The following PITPNM1 variants were observed in gnomAD, a reference collection of about 807,000 sequenced individuals.
PITPNM1 encodes phosphatidylinositol transfer protein membrane associated 1, also known as membrane-associated phosphatidylinositol transfer protein 1.
PITPNM1 carries 74 observed loss-of-function variants against 133.3 expected under a neutral mutation model. That is an observed-to-expected ratio of 0.56 (90% CI 0.46 to 0.67). The LOEUF is 0.67. Ranked by LOEUF, PITPNM1 falls within the 30% of genes least tolerant of loss-of-function variation. The pLI, the probability that PITPNM1 is intolerant of heterozygous loss-of-function variation, is 0.00. For missense variants in PITPNM1, 1,398 were observed against 1,739.5 expected (o/e 0.80, Z 3.49); for synonymous variants, 738 against 741.4 (o/e 1.00, Z 0.08).
chr11:67,497,786 AGAG>A, intron 12 of PITPNM1, 107 bp from the exon 13 acceptor site: 1 of 1,521,454 alleles, frequency 6.6e-7, no homozygotes, highest in Admixed American at 1.9e-5. Flanking sequence ...GCAGAATTCC[AGAG>A]AAGACATGAA....
At chr11:67,495,759 C>T (rs763268376) in intron 15 of PITPNM1, among the ~76,000 whole-genome samples, 157 bp from the exon 16 acceptor site, 2 of 152,204 alleles carry the variant, frequency 1.3e-5, no homozygotes, top group East Asian at 1.9e-4. Context: ...GCCCAGTGGC[C>T]AGCTGCACTC....
chr11:67,493,402 C>T lies in PITPNM1; in HGVS notation c.3342+8G>A, dbSNP rs1043689428. On this transcript the variant is annotated splice_region_variant and intron_variant, in intron 22 of 23. Transcript: ENST00000356404. ...GTCAGGACCCGGAGCCTCCCCCAGC[C>T]GCCGCACCTCCTGCACCAGGCTCTG... The T allele has an allele frequency of 9.6e-6, 15 of 1,568,614 alleles. No individual in the cohort carries two copies. The highest frequency in any genetic ancestry group is 8.9e-5 in the Admixed American group (5 of 56,260).
In PITPNM1 at chr11:67,497,343, G is replaced by A. The variant is rs936479833; in HGVS notation, c.2034C>T (p.Asp678=). 4.2e-5 allele frequency: 67 copies of A among 1,608,432 alleles called. No homozygotes were observed. The highest frequency in any genetic ancestry group is 1.7e-4 in the Middle Eastern group (1 of 6,044). ...CAAGGCGGGCAGTGCTGCTGGGGCCGTCAGGTGCCTCGGAACTGGCAGCGG... is the reference window on the plus strand; with the variant it reads ...CAAGGCGGGCAGTGCTGCTGGGGCCATCAGGTGCCTCGGAACTGGCAGCGG... The part of the protein sequence containing the change: ...CPPAASSEAP[D]GPSSTARLDF... Residue 678 remains aspartate (D), a synonymous_variant, in exon 14 of 24, where the codon GAC becomes GAT. Coordinates refer to ENST00000356404, the MANE Select transcript of PITPNM1 (RefSeq NM_004910.3).
In PITPNM1 at chr11:67,499,842, G is replaced by C; in HGVS notation, c.1064-12C>G. On this transcript the variant is annotated splice_polypyrimidine_tract_variant and intron_variant, in intron 7 of 23. Transcript: ENST00000356404. ...GTCCGAGAAGCCTTCTGAGGGGACA[G>C]GGGGCTGTGTCATGGGGTGGGAGGA... The C allele has an allele frequency of 6.3e-7, 1 of 1,584,620 alleles. No homozygotes were observed. The highest frequency in any genetic ancestry group is 8.6e-7 in the Non-Finnish European group (1 of 1,157,950).
chr11:67,499,685 CG>C, intron 8 of PITPNM1, 37 bp downstream of exon 8: 1 of 1,154,694 alleles, frequency 8.7e-7, no homozygotes, highest in Non-Finnish European at 1.2e-6. Flanking sequence ...CTGCTGTACA[CG>C]GGTGCTGGGG....
Position 67,493,312 on chromosome 11 carries a change from T to A in PITPNM1, c.3342+98A>T, listed in dbSNP as rs1444940112. ...TGCAGTCAGGCAGGGCCCGGGCCGA[T>A]CCAGTTGGGAACAGATGGGCCTCCG... On this transcript the variant is annotated intron_variant, in intron 22 of 23. Transcript: ENST00000356404. 17 of 1,322,438 alleles carry A rather than the reference T, an allele frequency of 1.3e-5. No homozygotes were observed. In the East Asian group the frequency reaches 4.1e-4, roughly 32 times the overall value. 81.9% of individuals were successfully genotyped at this position (1,322,438 alleles called of 1,614,324 possible).
At position 67,502,135 on chromosome 11, in the gene PITPNM1, CG is replaced by C. The variant is rs1322879970; in HGVS notation, c.416-50del. ...AGCAGCGCCAGCCCCTTTGAGCCCC[CG>C]CTCCTGGCACCCTCTTGGGACTGGA... On this transcript the variant is annotated intron_variant, in intron 4 of 23. Transcript: ENST00000356404. The surrounding 1 kb of genome is among the most constrained non-coding windows in gnomAD (Gnocchi z 5.9). The C allele has an allele frequency of 6.3e-7, 1 of 1,576,240 alleles. No individual in the cohort carries two copies. Among genetic ancestry groups the C allele is most frequent in the East Asian group, 2.3e-5 (1 of 44,418 alleles).
At position 67,501,920 on chromosome 11, in the gene PITPNM1, C is replaced by T; in HGVS notation, c.582G>A (p.Lys194=). Residue 194 remains lysine (K), a synonymous_variant, in exon 5 of 24, where the codon AAG becomes AAA. Coordinates refer to ENST00000356404, the MANE Select transcript of PITPNM1 (RefSeq NM_004910.3). ...GPLMCAYKLC[K]VEFRYWGMQA... ...GCATGCCCCAGTAGCGGAACTCAAC[C>T]TTGCACAGCTTATAGGCACACATAA... is the stretch of plus-strand genomic sequence containing the variant. The T allele has an allele frequency of 1.2e-6, 2 of 1,613,624 alleles. No individual in the cohort carries two copies. Among genetic ancestry groups the T allele is most frequent in the Non-Finnish European group, 1.7e-6 (2 of 1,180,028 alleles).
Position 67,493,837 on chromosome 11 carries a change from C to A in PITPNM1, c.3009G>T (p.Arg1003Ser). 3 of 1,540,334 alleles carry A rather than the reference C, an allele frequency of 1.9e-6. No individual in the cohort carries two copies. The highest frequency in any genetic ancestry group is 2.6e-6 in the Non-Finnish European group (3 of 1,141,406). ...IGVYPVRMVV[R>S]GDHTYAECCL... The stretch of plus-strand genomic sequence containing the variant: ...AGCATTCGGCATAGGTGTGGTCGCC[C>A]CTGCGGCCCACGGGGCGGGGCGTGA... Residue 1003 changes from arginine to serine, a missense_variant and splice_region_variant, in exon 21 of 24, where the codon AGG (arginine) becomes AGT (serine). By Grantham distance (110) the Arg-to-Ser change is moderately radical. Around this residue, in one of 5 missense-constraint regions of PITPNM1, gnomAD observed 233 missense variants for 378.0 expected, o/e 0.62. Coordinates refer to ENST00000356404, the MANE Select transcript of PITPNM1 (RefSeq NM_004910.3).
chr11:67,493,276 T>C (rs17847832), intron 22 of PITPNM1, 134 bp downstream of exon 22: 21,586 of 1,110,614 alleles, frequency 0.019, 456 homozygotes, highest in East Asian at 0.085. Flanking sequence ...AGCAGGACCG[T>C]AGCGGGCCGC....
chr11:67,493,359 AG>A (rs1398160108), intron 22 of PITPNM1, 50 bp downstream of exon 22: 6 of 1,465,338 alleles, frequency 4.1e-6, no homozygotes, highest in South Asian at 3.9e-5. Flanking sequence ...GTGGAGGGTA[AG>A]GGGGAGCGGG....
At position 67,502,154 on chromosome 11, in the gene PITPNM1, G is replaced by T; in HGVS notation, c.416-68C>A. 6.4e-7 allele frequency: 1 copy of T among 1,561,932 alleles called. No homozygotes were observed. ...AGCCCCCGCTCCTGGCACCCTCTTG[G>T]GACTGGATGACAGTTCCCGTCCTTT... On this transcript the variant is annotated intron_variant, in intron 4 of 23. Transcript: ENST00000356404. The surrounding 1 kb of genome is among the most constrained non-coding windows in gnomAD (Gnocchi z 5.9).
chr11:67,501,813 G>A (rs781012165), intron 5 of PITPNM1, 49 bp downstream of exon 5: 1 of 1,504,830 alleles, frequency 6.6e-7, no homozygotes, highest in Non-Finnish European at 9.2e-7. Flanking sequence ...CTAAACATGG[G>A]GTCTGGGGCA....
rs1565192185 is a variant in PITPNM1 at position 67,498,104 on chromosome 11, C to T, written c.1674+29G>A. ...CTACAGTGGGGGCTGCAGTGGAGGG[C>T]AGCAGATGGACTGTCCCTAACCGCT... On this transcript the variant is annotated intron_variant, in intron 11 of 23. Transcript: ENST00000356404. The surrounding 1 kb of genome is among the most constrained non-coding windows in gnomAD (Gnocchi z 5.7). 3 of 1,610,596 alleles carry T rather than the reference C, an allele frequency of 1.9e-6. No individual in the cohort carries two copies. The highest frequency in any genetic ancestry group is 2.2e-5 in the East Asian group (1 of 44,872).
chr11:67,496,207 G>A lies in PITPNM1; in HGVS notation c.2288C>T (p.Pro763Leu), dbSNP rs1177840727. ...PLTVPRYQKF[P>L]LGDGSSLLLA... ...CAGCAGGGATGAGCCATCTCCCAGGGGGAACTTCTGGTAGCGGGGCACGGT... is the reference window on the plus strand; with the variant it reads ...CAGCAGGGATGAGCCATCTCCCAGGAGGAACTTCTGGTAGCGGGGCACGGT... The change falls in exon 15 of 24, where the codon CCC (proline) becomes CTC (leucine). Residue 763 changes from proline to leucine, a missense_variant. Coordinates refer to ENST00000356404, the MANE Select transcript of PITPNM1 (RefSeq NM_004910.3). 1 of 1,545,558 alleles carries A rather than the reference G, an allele frequency of 6.5e-7. No individual in the cohort carries two copies. The highest frequency in any genetic ancestry group is 1.4e-5 in the African/African-American group (1 of 70,246).
Position 67,497,588 on chromosome 11 carries a change from G to T in PITPNM1, c.1874C>A (p.Ser625Ter). 5 of 1,607,956 alleles carry T rather than the reference G, an allele frequency of 3.1e-6. No homozygotes were observed. The highest frequency in any genetic ancestry group is 4.2e-6 in the Non-Finnish European group (5 of 1,178,492). Residue 625 changes from serine (S) to a stop codon, truncating the protein, a stop_gained, in exon 13 of 24, where the codon TCG (serine) becomes TAG (stop). Transcript: ENST00000356404. LOFTEE classifies it high-confidence loss of function. ...EGLGRGSPEP[S>*]ALPPQRIPSD... ...GGGGATGCGCTGGGGAGGCAAGGCC[G>T]AGGGTTCTGGGCTGCCCCGACCCAG...
chr11:67,494,435 T>G, intron 18 of PITPNM1, 75 bp from the exon 19 acceptor site: 23 of 662,008 alleles, frequency 3.5e-5, no homozygotes, highest in Non-Finnish European at 2.9e-5. Flanking sequence ...CGGGTGAGGA[T>G]CCACACGCAA....
chr11:67,500,110 A>C lies in PITPNM1; in HGVS notation c.952T>G (p.Ser318Ala), dbSNP rs1447009772. 2 of 1,595,454 alleles carry C rather than the reference A, an allele frequency of 1.3e-6. No homozygotes were observed. The highest frequency in any genetic ancestry group is 1.7e-6 in the Non-Finnish European group (2 of 1,168,404). Residue 318 changes from serine to alanine, a missense_variant, in exon 6 of 24, where the codon TCA becomes GCA. Transcript: ENST00000356404. Reference sequence around the variant, plus strand: ...CCAGCCTCACCTCCATGTTGGGATGAGTAGGAGGAACGGGAGGATGAGGAC... The same window carrying C: ...CCAGCCTCACCTCCATGTTGGGATGCGTAGGAGGAACGGGAGGATGAGGAC... ...QWSSSSRSSY[S>A]SQHGGAVSPQ...
At chr11:67,500,967 T>C (rs1866304568) in intron 5 of PITPNM1, among the ~76,000 whole-genome samples, 1 of 152,238 alleles carries the variant, frequency 6.6e-6, no homozygotes, top group Admixed American at 6.5e-5. Context: ...CGAGGAGATA[T>C]ATTGGAATCT....
Sources: gnomAD v4.1 joint callset for allele counts (sites outside exome capture counted in the v4.1 genomes callset) on GRCh38, gnomAD v4.1.1 for gene constraint, gnomAD v4.1.1 regional missense constraint, Gnocchi (gnomAD v3.1) non-coding constraint, MANE v1.5 for transcripts, NCBI Gene and HGNC (gene_info 2026-07-23, HGNC 2026-07-21) for gene names.